The following SRD5A1 variants were observed in gnomAD, a reference collection of about 807,000 sequenced individuals.
The protein encoded by SRD5A1 is steroid 5 alpha-reductase 1.
A neutral mutation model predicts 28.2 loss-of-function variants in SRD5A1; 22 were observed. The observed-to-expected ratio is 0.78, with a 90% CI of 0.56 to 1.12. The LOEUF (loss-of-function observed/expected upper bound fraction) is 1.12. Among genes scored for constraint, SRD5A1 ranks in the 50% most tolerant of loss-of-function variants. The pLI is 0.00. For synonymous variants in SRD5A1, 151 were observed against 135.0 expected (o/e 1.12, Z -0.82); for missense variants, 300 against 346.7 (o/e 0.87, Z 1.07).
chr5:6,666,989 C>T (rs6872996), intron 4 of SRD5A1, among the ~76,000 whole-genome samples: 36,751 of 152,242 alleles, frequency 0.24, 4,816 homozygotes, highest in Middle Eastern at 0.31. Context: ...CACTGTGCGG[C>T]GGCCAGTGCC....
intron 1 of SRD5A1, among the ~76,000 whole-genome samples, chr5:6,641,662 G>A (rs565372453): frequency 1.3e-5 from 2 of 152,310 alleles, no homozygotes; most frequent in East Asian, 1.9e-4. Flanking sequence ...GACTGGTGTC[G>A]ATCTTTGTAA....
chr5:6,658,860 C>T (rs1025553485), intron 3 of SRD5A1, among the ~76,000 whole-genome samples: 2 of 151,906 alleles, frequency 1.3e-5, no homozygotes, highest in South Asian at 2.1e-4. Flanking sequence ...ACCTGTAATC[C>T]CAGCACTTTG....
chr5:6,653,541 G>A (rs532464406), intron 2 of SRD5A1: 3 of 152,340 alleles, frequency 2.0e-5, no homozygotes, highest in African/African-American at 7.2e-5. Context: ...GATGTGAAAG[G>A]TCAGAAGAGT....
At chr5:6,650,696 G>T (rs1034085528) in intron 1 of SRD5A1, among the ~76,000 whole-genome samples, 1 of 150,076 alleles carries the variant, frequency 6.7e-6, no homozygotes, top group East Asian at 2.0e-4. Context: ...CATTGTGCAG[G>T]TTAGTTACAT....
At chr5:6,640,571 G>A (rs997646941) in intron 1 of SRD5A1, among the ~76,000 whole-genome samples, 1 of 146,718 alleles carries the variant, frequency 6.8e-6, no homozygotes, top group East Asian at 2.0e-4. Flanking sequence ...TCCCAGTGTT[G>A]CCTGGGCTGG....
intron 1 of SRD5A1, among the ~76,000 whole-genome samples, chr5:6,647,799 A>T (rs1738550877): frequency 6.6e-6 from 1 of 152,036 alleles, no homozygotes; most frequent in Non-Finnish European, 1.5e-5. Context: ...TGTGAATCTG[A>T]TCCTTTCATT....
intron 1 of SRD5A1, among the ~76,000 whole-genome samples, chr5:6,649,567 C>A (rs528355801): frequency 3.3e-5 from 5 of 152,350 alleles, no homozygotes; most frequent in African/African-American, 1.2e-4. Flanking sequence ...ACCCACTGAG[C>A]CAGGCACTGG....
intron 4 of SRD5A1, among the ~76,000 whole-genome samples, chr5:6,664,226 T>C (rs1399976610): frequency 1.3e-5 from 2 of 152,140 alleles, no homozygotes; most frequent in Non-Finnish European, 2.9e-5. Flanking sequence ...TCCTACTTCA[T>C]GGAGTTTATC....
At chr5:6,661,159 C>T (rs996077280) in intron 3 of SRD5A1, among the ~76,000 whole-genome samples, 75 of 152,048 alleles carry the variant, frequency 4.9e-4, no homozygotes, top group Admixed American at 4.3e-3. Context: ...TTATTGCAAA[C>T]GTCTACATAC....
At chr5:6,643,064 A>T (rs1738411521) in intron 1 of SRD5A1, among the ~76,000 whole-genome samples, 1 of 151,322 alleles carries the variant, frequency 6.6e-6, no homozygotes, top group Non-Finnish European at 1.5e-5. Context: ...CATTTTTATC[A>T]CCATCATTTG....
intron 1 of SRD5A1, among the ~76,000 whole-genome samples, chr5:6,639,672 CT>C (rs35245174): frequency 6.6e-6 from 1 of 152,242 alleles, no homozygotes; most frequent in Admixed American, 6.5e-5. Flanking sequence ...TTCTCCAAGC[CT>C]TTTTAGGAAA....
At position 6,669,864 on chromosome 5, in the gene SRD5A1, T is replaced by C. The variant is rs1401204085; in HGVS notation, c.*1596T>C. 6.6e-6 allele frequency: 1 copy of C among 151,288 alleles called. No individual in the cohort carries two copies. Among genetic ancestry groups the C allele is most frequent in the Non-Finnish European group, 1.5e-5 (1 of 67,982 alleles). 9.4% of individuals were successfully genotyped at this position (151,288 alleles called of 1,614,324 possible). A position where few individuals can be genotyped will look rare whatever the true frequency, so the allele number is the denominator to read the frequency against. ...TGGGGGAGTGGCCCCATAAAGAGAG[T>C]GAGAGAGAGTCACCACTGCAGATGG... is the stretch of plus-strand genomic sequence containing the variant. On this transcript the variant is annotated 3_prime_UTR_variant, in exon 5 of 5. Coordinates refer to ENST00000274192, the MANE Select transcript of SRD5A1 (RefSeq NM_001047.4).
intron 3 of SRD5A1, among the ~76,000 whole-genome samples, chr5:6,657,654 C>T (rs1223859141): frequency 6.6e-6 from 1 of 152,248 alleles, no homozygotes; most frequent in Non-Finnish European, 1.5e-5. Context: ...AAGCCACAGA[C>T]TGGCAGATTT....
At chr5:6,639,711 C>T (rs1291914392) in intron 1 of SRD5A1, among the ~76,000 whole-genome samples, 1 of 152,184 alleles carries the variant, frequency 6.6e-6, no homozygotes, top group Non-Finnish European at 1.5e-5. Flanking sequence ...AATTGAATTT[C>T]TCCGTGTCTC....
intron 1 of SRD5A1, among the ~76,000 whole-genome samples, chr5:6,650,800 C>A (rs1360276960): frequency 2.8e-5 from 4 of 143,186 alleles, no homozygotes; most frequent in East Asian, 2.1e-4. Flanking sequence ...CCCTCCCCCC[C>A]ACCCCACAAC....
Position 6,669,189 on chromosome 5 carries a change from C to T in SRD5A1, c.*921C>T, listed in dbSNP as rs1739287345. 6.6e-6 allele frequency: 1 copy of T among 152,194 alleles called. No individual in the cohort carries two copies. The highest frequency in any genetic ancestry group is 1.9e-4 in the East Asian group (1 of 5,200). 9.4% of individuals were successfully genotyped at this position (152,194 alleles called of 1,614,324 possible). On this transcript the variant is annotated 3_prime_UTR_variant, in exon 5 of 5. Coordinates refer to ENST00000274192, the MANE Select transcript of SRD5A1 (RefSeq NM_001047.4). ...TGTAAAGAATGATCACTTTCTGTAACAATAACAAGACCACTTTTTAAGATT... is the reference window on the plus strand; with the variant it reads ...TGTAAAGAATGATCACTTTCTGTAATAATAACAAGACCACTTTTTAAGATT...
rs1168591179 is a variant in SRD5A1 at position 6,674,102 on chromosome 5, TTAA to T, written c.*5840_*5842del. On this transcript the variant is annotated 3_prime_UTR_variant, in exon 5 of 5. Coordinates refer to ENST00000274192, the MANE Select transcript of SRD5A1 (RefSeq NM_001047.4). ...TGCTAATGTAAACTCTGGATTTTTATTAATAATATTATTTAATTAAAATGATTT... is the reference window on the plus strand; with the variant it reads ...TGCTAATGTAAACTCTGGATTTTTATTAATATTATTTAATTAAAATGATTT... The T allele has an allele frequency of 3.5e-4, 53 of 151,968 alleles. No homozygotes were observed. In the South Asian group the frequency reaches 7.0e-3, roughly 20 times the overall value. The allele number at this position is 151,968 out of a possible 1,614,324, so 9.4% of individuals were successfully genotyped here. A position where few individuals can be genotyped will look rare whatever the true frequency, so the allele number is the denominator to read the frequency against.
chr5:6,643,221 A>G (rs1738415019), intron 1 of SRD5A1, among the ~76,000 whole-genome samples: 1 of 152,152 alleles, frequency 6.6e-6, no homozygotes, highest in East Asian at 1.9e-4. Context: ...GAACTCCTCA[A>G]ATAAACAACT....
chr5:6,662,501 A>G lies in SRD5A1; in HGVS notation c.563-315A>G, dbSNP rs141662083. ...AGGGTTCTATCTAGGTCCATTTTAC[A>G]TGGTTTACTCTGTATTCTCTGCTTG... On this transcript the variant is annotated intron_variant, in intron 3 of 4. Coordinates refer to ENST00000274192, the MANE Select transcript of SRD5A1 (RefSeq NM_001047.4). Among the ~76,000 whole-genome samples, 190 of 152,310 alleles carry G rather than the reference A, an allele frequency of 1.2e-3. 1 individual carries two copies. Among genetic ancestry groups the G allele is most frequent in the Non-Finnish European group, 2.4e-3 (161 of 68,034 alleles).
Sources: gnomAD v4.1 joint callset for allele counts (sites outside exome capture counted in the v4.1 genomes callset) on GRCh38, gnomAD v4.1.1 for gene constraint, MANE v1.5 for transcripts, NCBI Gene and HGNC (gene_info 2026-07-23, HGNC 2026-07-21) for gene names.